SIPA1L1: variants seen among roughly 807,000 people sequenced by gnomAD.
SIPA1L1 encodes the protein signal-induced proliferation-associated 1-like protein 1.
SIPA1L1 carries 26 observed loss-of-function variants against 162.7 expected under a neutral mutation model. The ratio of observed to expected loss-of-function variants is 0.16; its 90% CI spans 0.12 to 0.22. SIPA1L1 has a LOEUF of 0.22. SIPA1L1 is among the 10% of genes least tolerant of loss of function. The pLI, the probability that SIPA1L1 is intolerant of heterozygous loss-of-function variation, is 1.00. For synonymous variants in SIPA1L1, 829 were observed against 837.4 expected (o/e 0.99, Z 0.17); for missense variants, 1,874 against 2,241.0 (o/e 0.84, Z 3.31).
At chr14:71,469,045 G>A (rs2047242588) in intron 2 of SIPA1L1, among the ~76,000 whole-genome samples, 1 of 151,528 alleles carries the variant, frequency 6.6e-6, no homozygotes, top group African/African-American at 2.4e-5. Flanking sequence ...TTCAAGCCAT[G>A]TGTGTTATGT....
intron 2 of SIPA1L1, among the ~76,000 whole-genome samples, chr14:71,429,922 T>C (rs1284548124): frequency 6.6e-6 from 1 of 152,242 alleles, no homozygotes; most frequent in East Asian, 1.9e-4. Flanking sequence ...TAATTGCAGG[T>C]AAATTACTAT....
rs2045623086 is a variant in SIPA1L1, at chr14:71,679,886, T to C, written c.3105-5476T>C. 2.0e-5 allele frequency among the ~76,000 whole-genome samples: 3 copies of C among 152,164 alleles called. No homozygotes were observed. In the South Asian group the frequency reaches 6.2e-4, roughly 31 times the overall value. On this transcript the variant is annotated intron_variant, in intron 12 of 23. Coordinates refer to ENST00000381232, the MANE Select transcript of SIPA1L1 (RefSeq NM_001386936.1). ...TCAATTTAACAAGAAGAGCTAACTA[T>C]CTTAAATATATATGCACCCAATACA...
chr14:71,372,344 TC>T (rs2038968565), intron 2 of SIPA1L1, among the ~76,000 whole-genome samples: 1 of 152,294 alleles, frequency 6.6e-6, no homozygotes, highest in Admixed American at 6.5e-5. Flanking sequence ...TCTTTTTTTC[TC>T]CCGTATCCAG....
chr14:71,740,922 TTTTG>T lies in SIPA1L1; in HGVS notation c.*1766_*1769del, dbSNP rs1442958618. 1.3e-5 allele frequency: 2 copies of T among 152,240 alleles called. No homozygotes were observed. The highest frequency in any genetic ancestry group is 2.9e-5 in the Non-Finnish European group (2 of 68,036). The allele number at this position is 152,240 out of a possible 1,614,324, so 9.4% of individuals were successfully genotyped here. A position where few individuals can be genotyped will look rare whatever the true frequency, so the allele number is the denominator to read the frequency against. Reference sequence around the variant, plus strand: ...AGTTTAGTTCTCATTTTGTTTTACATTTTGTTTGGGGACTTGGGGCAAGCTATTT... The same window carrying T: ...AGTTTAGTTCTCATTTTGTTTTACATTTTGGGGACTTGGGGCAAGCTATTT... On this transcript the variant is annotated 3_prime_UTR_variant, in exon 24 of 24. Transcript: ENST00000381232.
chr14:71,581,617 G>GTGAA (rs1373794911), intron 4 of SIPA1L1, among the ~76,000 whole-genome samples: 1 of 152,050 alleles, frequency 6.6e-6, no homozygotes, highest in Non-Finnish European at 1.5e-5. Context: ...ACAGTATTGG[G>GTGAA]TGAATAAGTT....
At chr14:71,593,888 G>A (rs2035716646) in intron 5 of SIPA1L1, among the ~76,000 whole-genome samples, 1 of 152,158 alleles carries the variant, frequency 6.6e-6, no homozygotes, top group Non-Finnish European at 1.5e-5. Flanking sequence ...TGCTGTGATA[G>A]GGAAGGGCCT....
intron 3 of SIPA1L1, 98 bp from the exon 4 acceptor site, chr14:71,529,214 C>T (rs1347403342): frequency 2.4e-6 from 1 of 421,054 alleles, no homozygotes; most frequent in Non-Finnish European, 4.2e-6. Context: ...TTTGCCTCTT[C>T]TAGAACAAAG....
chr14:71,679,656 A>G (rs960309325), intron 12 of SIPA1L1, among the ~76,000 whole-genome samples: 1 of 152,258 alleles, frequency 6.6e-6, no homozygotes, highest in Non-Finnish European at 1.5e-5. Flanking sequence ...GATAGAGTCA[A>G]GACCCATCAG....
At chr14:71,444,866 T>C in intron 2 of SIPA1L1, among the ~76,000 whole-genome samples, 1 of 152,194 alleles carries the variant, frequency 6.6e-6, no homozygotes, top group East Asian at 1.9e-4. Context: ...GCTGATGAAG[T>C]GCTCTTTGCC....
chr14:71,451,138 G>A (rs144032504), intron 2 of SIPA1L1, among the ~76,000 whole-genome samples: 50 of 152,184 alleles, frequency 3.3e-4, no homozygotes, highest in African/African-American at 1.1e-3. Flanking sequence ...ATGTTAGTGA[G>A]ATAAGCAGAT....
At chr14:71,725,441 A>G (rs2084144983) in intron 19 of SIPA1L1, among the ~76,000 whole-genome samples, 1 of 152,118 alleles carries the variant, frequency 6.6e-6, no homozygotes, top group Admixed American at 6.5e-5. Flanking sequence ...TGACTTCATA[A>G]AGCCTTCTAT....
At chr14:71,453,588 A>C (rs947599710) in intron 2 of SIPA1L1, among the ~76,000 whole-genome samples, 1 of 152,216 alleles carries the variant, frequency 6.6e-6, no homozygotes, top group Non-Finnish European at 1.5e-5. Context: ...AGCTGTATGA[A>C]ATATTTGTAT....
chr14:71,560,736 A>T (rs1216781546), intron 4 of SIPA1L1, among the ~76,000 whole-genome samples: 2 of 152,218 alleles, frequency 1.3e-5, no homozygotes, highest in African/African-American at 4.8e-5. Context: ...GGAGAACAGT[A>T]TGGGTTAGTT....
At chr14:71,489,239 C>A (rs1349408922) in intron 2 of SIPA1L1, among the ~76,000 whole-genome samples, 1 of 152,172 alleles carries the variant, frequency 6.6e-6, no homozygotes. Flanking sequence ...GATAGGCTAT[C>A]TCTTATGATG....
intron 5 of SIPA1L1, among the ~76,000 whole-genome samples, chr14:71,606,192 A>G (rs2037473847): frequency 6.6e-6 from 1 of 152,166 alleles, no homozygotes; most frequent in African/African-American, 2.4e-5. Flanking sequence ...AGCCACATGC[A>G]GACGGGTGGA....
At chr14:71,412,393 CAA>C (rs574937222) in intron 2 of SIPA1L1, among the ~76,000 whole-genome samples, 2 of 152,276 alleles carry the variant, frequency 1.3e-5, no homozygotes, top group African/African-American at 4.8e-5. Context: ...CCAGGGAAGC[CAA>C]AAGATTGGAC....
rs928370341 is a variant in SIPA1L1 at position 71,598,626 on chromosome 14, CAT to C, written c.1498+9258_1498+9259del. Among the ~76,000 whole-genome samples, 3 of 152,260 alleles carry C rather than the reference CAT, an allele frequency of 2.0e-5. 1 individual carries two copies. The highest frequency in any genetic ancestry group is 2.0e-4 in the Admixed American group (3 of 15,300). ...TAGAATCTATAGGGGATTAAAAAGA[CAT>C]AACAACAAAATGCAACATGGGATTC... On this transcript the variant is annotated intron_variant, in intron 5 of 23. Coordinates refer to ENST00000381232, the MANE Select transcript of SIPA1L1 (RefSeq NM_001386936.1).
Position 71,498,443 on chromosome 14 carries a change from T to C in SIPA1L1, c.-464-14300T>C, listed in dbSNP as rs182054101. 2.1e-3 allele frequency among the ~76,000 whole-genome samples: 319 copies of C among 152,290 alleles called. 5 individuals carry two copies. Among genetic ancestry groups the C allele is most frequent in the Non-Finnish European group, 7.4e-4 (50 of 68,020 alleles). ...ATCATGAATAAGGCTATAAGAATCA[T>C]GTTTGAAAAAAAATAGTGAAGTGCT... On this transcript the variant is annotated intron_variant, in intron 2 of 23. Coordinates refer to ENST00000381232, the MANE Select transcript of SIPA1L1 (RefSeq NM_001386936.1).
rs922958509 is a variant in SIPA1L1, at chr14:71,321,163, C to G, written c.-483C>G. ...ACGCGCCCGGGACGCGCGGCGGCAC[C>G]GGGAGGCCGGGCCGAGCGGTAAGTG... On this transcript the variant is annotated 5_prime_UTR_variant, in exon 2 of 24. Transcript: ENST00000381232. The G allele has an allele frequency of 1.3e-5, 2 of 152,104 alleles. No individual in the cohort carries two copies. Among genetic ancestry groups the G allele is most frequent in the Non-Finnish European group, 2.9e-5 (2 of 68,048 alleles). The allele number at this position is 152,104 out of a possible 1,614,324, so 9.4% of individuals were successfully genotyped here. A position where few individuals can be genotyped will look rare whatever the true frequency, so the allele number is the denominator to read the frequency against.
Sources: gnomAD v4.1 joint callset for allele counts (sites outside exome capture counted in the v4.1 genomes callset) on GRCh38, gnomAD v4.1.1 for gene constraint, MANE v1.5 for transcripts, NCBI Gene and HGNC (gene_info 2026-07-23, HGNC 2026-07-21) for gene names.